The following BRINP3 variants were observed in gnomAD, a reference collection of about 807,000 sequenced individuals.
BRINP3 encodes BMP/retinoic acid inducible neural specific 3, also known as BMP/retinoic acid-inducible neural-specific protein 3.
A neutral mutation model predicts 71.0 loss-of-function variants in BRINP3; 19 were observed. That is an observed-to-expected ratio of 0.27 (90% CI 0.19 to 0.39). The LOEUF (loss-of-function observed/expected upper bound fraction) is 0.39. BRINP3 is among the 10% of genes least tolerant of loss of function. The probability of loss-of-function intolerance (pLI) is 1.00; values close to 1 mark genes in which losing one functional copy is unlikely to be tolerated. For missense variants in BRINP3, 959 were observed against 940.8 expected, an observed-to-expected ratio of 1.02 and a Z score of -0.25; for synonymous variants, 380 against 337.7, an observed-to-expected ratio of 1.13 and a Z score of -1.37.
chr1:190,285,734 T>A (rs139122624), intron 2 of BRINP3, among the ~76,000 whole-genome samples: 1 of 151,972 alleles, frequency 6.6e-6, no homozygotes. Flanking sequence ...GTTTTTTTTT[T>A]CCTTGTTTCC....
intron 2 of BRINP3, among the ~76,000 whole-genome samples, chr1:190,439,060 T>A (rs1674649033): frequency 6.6e-6 from 1 of 151,904 alleles, no homozygotes; most frequent in Admixed American, 6.6e-5. Context: ...TCTAATGATG[T>A]CATTTTCAGA....
At chr1:190,444,398 A>G (rs1675062960) in intron 2 of BRINP3, among the ~76,000 whole-genome samples, 1 of 151,792 alleles carries the variant, frequency 6.6e-6, no homozygotes, top group Admixed American at 6.6e-5. Flanking sequence ...TCTTTCCTCA[A>G]ATTTCAGAGA....
At chr1:190,433,425 C>A (rs1005986655) in intron 2 of BRINP3, among the ~76,000 whole-genome samples, 2 of 152,252 alleles carry the variant, frequency 1.3e-5, no homozygotes, top group African/African-American at 4.8e-5. Context: ...CATCATGTTA[C>A]TTGTCTTCCA....
At chr1:190,187,369 TA>T (rs1384291829) in intron 6 of BRINP3, among the ~76,000 whole-genome samples, 2 of 152,132 alleles carry the variant, frequency 1.3e-5, no homozygotes, top group Non-Finnish European at 2.9e-5. Flanking sequence ...AAGTGCAGAA[TA>T]TTTTTTTATT....
At chr1:190,320,992 T>C (rs1236290540) in intron 2 of BRINP3, among the ~76,000 whole-genome samples, 1 of 152,152 alleles carries the variant, frequency 6.6e-6, no homozygotes, top group Non-Finnish European at 1.5e-5. Context: ...TGTATATGTC[T>C]GTATATACGC....
chr1:190,236,619 C>G (rs1471731686), intron 4 of BRINP3, among the ~76,000 whole-genome samples: 2 of 151,888 alleles, frequency 1.3e-5, no homozygotes, highest in Non-Finnish European at 2.9e-5. Flanking sequence ...CTTAACACCC[C>G]AACAACTTTT....
At chr1:190,405,931 TACAGAATGCTTAGTAATATTCA>T (rs1381119735) in intron 2 of BRINP3, among the ~76,000 whole-genome samples, 2 of 152,206 alleles carry the variant, frequency 1.3e-5, no homozygotes, top group African/African-American at 4.8e-5. Flanking sequence ...AGCAGAATGG[TACAGAATGCTTAGTAATATTCA>T]ACAAATTCCT....
intron 7 of BRINP3, among the ~76,000 whole-genome samples, chr1:190,125,143 G>A (rs12401790): frequency 0.14 from 21,467 of 151,784 alleles, 2,586 homozygotes; most frequent in African/African-American, 0.29. Context: ...GTATTCAAAT[G>A]CCTAACTAGG....
At chr1:190,291,383 T>C (rs898547332) in intron 2 of BRINP3, among the ~76,000 whole-genome samples, 4 of 151,756 alleles carry the variant, frequency 2.6e-5, no homozygotes, top group African/African-American at 2.4e-5. Context: ...GGAAATAATA[T>C]ACAGAATGGG....
intron 2 of BRINP3, among the ~76,000 whole-genome samples, chr1:190,298,150 TAA>T: frequency 6.6e-6 from 1 of 152,178 alleles, no homozygotes. Flanking sequence ...AGTATCCTCT[TAA>T]TTAATTCTTT....
At chr1:190,202,713 GAGTTTGTCTGAA>G (rs1213066892) in intron 6 of BRINP3, among the ~76,000 whole-genome samples, 1 of 151,956 alleles carries the variant, frequency 6.6e-6, no homozygotes, top group Admixed American at 6.6e-5. Flanking sequence ...TAAAAAATGG[GAGTTTGTCTGAA>G]AAAAGTCTAG....
chr1:190,294,044 A>G (rs1433571002), intron 2 of BRINP3, among the ~76,000 whole-genome samples: 1 of 152,064 alleles, frequency 6.6e-6, no homozygotes, highest in Admixed American at 6.6e-5. Flanking sequence ...ATTGGTAGGT[A>G]AGGACTTGAT....
chr1:190,132,776 T>C (rs1654647858), intron 7 of BRINP3, among the ~76,000 whole-genome samples: 2 of 152,098 alleles, frequency 1.3e-5, no homozygotes, highest in Admixed American at 1.3e-4. Flanking sequence ...TGGAAAAGAT[T>C]TGCATCTCAC....
At chr1:190,121,652 TA>T (rs1452901520) in intron 7 of BRINP3, among the ~76,000 whole-genome samples, 1 of 152,136 alleles carries the variant, frequency 6.6e-6, no homozygotes, top group Non-Finnish European at 1.5e-5. Context: ...AGCATTAATA[TA>T]AAAGTTTAGG....
chr1:190,475,331 A>T (rs1330745516), intron 1 of BRINP3, among the ~76,000 whole-genome samples: 1 of 152,168 alleles, frequency 6.6e-6, no homozygotes, highest in African/African-American at 2.4e-5. Context: ...GACTCCAGAG[A>T]TCTTAAGTCT....
At chr1:190,225,712 G>T (rs185042147) in intron 6 of BRINP3, among the ~76,000 whole-genome samples, 2 of 152,056 alleles carry the variant, frequency 1.3e-5, no homozygotes, top group Non-Finnish European at 2.9e-5. Context: ...GTTGAAAAAG[G>T]TATAGAACAA....
chr1:190,172,703 T>C lies in BRINP3; in HGVS notation c.962-11813A>G, dbSNP rs555655083. 3.3e-5 allele frequency among the ~76,000 whole-genome samples: 5 copies of C among 152,280 alleles called. No homozygotes were observed. In the East Asian group the frequency reaches 9.7e-4, roughly 29 times the overall value. ...AGACTTTATCAGTGACAGAAAGTCATGTGGGACGTGGAAGGCTGACAGGAA... is the reference window on the plus strand; with the variant it reads ...AGACTTTATCAGTGACAGAAAGTCACGTGGGACGTGGAAGGCTGACAGGAA... On this transcript the variant is annotated intron_variant, in intron 6 of 7. Transcript: ENST00000367462.
intron 2 of BRINP3, among the ~76,000 whole-genome samples, chr1:190,355,743 G>T (rs982096764): frequency 7.9e-5 from 12 of 151,864 alleles, no homozygotes; most frequent in Admixed American, 3.3e-4. Context: ...CAATTCCTAT[G>T]TACCAAGTTT....
chr1:190,104,677 A>T (rs377316733), intron 7 of BRINP3, among the ~76,000 whole-genome samples: 3 of 152,032 alleles, frequency 2.0e-5, no homozygotes, highest in African/African-American at 4.8e-5. Context: ...TCCTTTTGAA[A>T]CCCTCAAAAA....
Sources: gnomAD v4.1 joint callset for allele counts (sites outside exome capture counted in the v4.1 genomes callset) on GRCh38, gnomAD v4.1.1 for gene constraint, MANE v1.5 for transcripts, NCBI Gene and HGNC (gene_info 2026-07-23, HGNC 2026-07-21) for gene names.